The following CCDC138 variants were observed in gnomAD, a reference collection of about 807,000 sequenced individuals.
CCDC138 encodes the protein coiled-coil domain containing 138, also known as coiled-coil domain-containing protein 138.
A neutral mutation model predicts 82.3 loss-of-function variants in CCDC138; 66 were observed. That is an observed-to-expected ratio of 0.80 (90% CI 0.66 to 0.98). The LOEUF is 0.98. Ranked by LOEUF, CCDC138 falls within the 50% of genes least tolerant of loss-of-function variation. The pLI, the probability that CCDC138 is intolerant of heterozygous loss-of-function variation, is 0.00. For missense variants in CCDC138, 816 were observed against 758.9 expected (o/e 1.08, Z -0.88); for synonymous variants, 297 against 265.4 (o/e 1.12, Z -1.16).
At chr2:108,819,722 C>T (rs906964141) in intron 10 of CCDC138, among the ~76,000 whole-genome samples, 1 of 152,144 alleles carries the variant, frequency 6.6e-6, no homozygotes, top group South Asian at 2.1e-4. Flanking sequence ...TGTAAAGACT[C>T]AGAAAGGTAT....
At chr2:108,867,277 A>G (rs1249315461) in intron 13 of CCDC138, among the ~76,000 whole-genome samples, 1 of 152,202 alleles carries the variant, frequency 6.6e-6, no homozygotes, top group Non-Finnish European at 1.5e-5. Context: ...TCCCCGCTGG[A>G]AGCTAGAACT....
chr2:108,853,551 G>A lies in CCDC138; in HGVS notation c.1517-3243G>A, dbSNP rs148431239. 2.0e-5 allele frequency among the ~76,000 whole-genome samples: 3 copies of A among 148,756 alleles called. No homozygotes were observed. The East Asian group carries it at 5.9e-4, about 29-fold the overall frequency. On this transcript the variant is annotated intron_variant, in intron 12 of 14. Transcript: ENST00000295124. ...TTCTTTTTTTTTTTTTTGAGAGATG[G>A]GATCTCACGCTATCACTCAGGCTGG... is the stretch of plus-strand genomic sequence containing the variant.
chr2:108,821,887 C>T (rs926785620), intron 10 of CCDC138, among the ~76,000 whole-genome samples: 7 of 146,224 alleles, frequency 4.8e-5, no homozygotes, highest in African/African-American at 1.5e-4. Context: ...GAGATTGTGC[C>T]ACTGCGCTCC....
At chr2:108,838,437 G>A (rs2150405232) in intron 10 of CCDC138, among the ~76,000 whole-genome samples, 1 of 152,112 alleles carries the variant, frequency 6.6e-6, no homozygotes, top group African/African-American at 2.4e-5. Context: ...TTATTTCCAG[G>A]TTTTACTCTT....
chr2:108,843,724 G>A (rs1689905356), intron 11 of CCDC138, among the ~76,000 whole-genome samples: 1 of 151,720 alleles, frequency 6.6e-6, no homozygotes, highest in South Asian at 2.1e-4. Context: ...ACTATGATGG[G>A]TCTTGGTGTT....
Position 108,875,999 on chromosome 2 carries a change from C to G in CCDC138, c.1833-89C>G, listed in dbSNP as rs17036959. 0.012 allele frequency: 9,234 copies of G among 746,814 alleles called. 602 individuals are homozygous for G. In the African/African-American group the frequency reaches 0.14, roughly 11 times the overall value. The allele number at this position is 746,814 out of a possible 1,614,324, so 46.3% of individuals were successfully genotyped here. On this transcript the variant is annotated intron_variant, in intron 14 of 14. Transcript: ENST00000295124. ...TTTTTAAAAACAGATGCCATTTCCTCATGTTTACACATAAATTATCTGTCA... is the reference window on the plus strand; with the variant it reads ...TTTTTAAAAACAGATGCCATTTCCTGATGTTTACACATAAATTATCTGTCA...
intron 10 of CCDC138, among the ~76,000 whole-genome samples, chr2:108,822,866 AT>A (rs1253471883): frequency 6.6e-6 from 1 of 152,220 alleles, no homozygotes; most frequent in African/African-American, 2.4e-5. Context: ...CCTGGCTGTG[AT>A]TTGGTTCTTT....
intron 5 of CCDC138, 134 bp downstream of exon 5, chr2:108,794,855 C>G: frequency 1.5e-6 from 1 of 678,006 alleles, no homozygotes; most frequent in South Asian, 2.2e-5. Context: ...CGGAAGGGGA[C>G]AAACTCAAAT....
At position 108,812,630 on chromosome 2, in the gene CCDC138, G is replaced by A; in HGVS notation, c.856-1G>A. 6.2e-7 allele frequency: 1 copy of A among 1,609,812 alleles called. No homozygotes were observed. Among genetic ancestry groups the A allele is most frequent in the Non-Finnish European group, 8.5e-7 (1 of 1,176,384 alleles). The stretch of plus-strand genomic sequence containing the variant: ...AATATCTAACTTTTTCTACCCTTTA[G>A]TTAAATGAAGCAAGTGAAGAAAACA... On this transcript the variant is annotated splice_acceptor_variant, in intron 7 of 14. Coordinates refer to ENST00000295124, the MANE Select transcript of CCDC138 (RefSeq NM_144978.3). LOFTEE classifies it high-confidence loss of function.
chr2:108,842,895 A>T (rs1403601718), intron 11 of CCDC138, among the ~76,000 whole-genome samples: 1 of 152,184 alleles, frequency 6.6e-6, no homozygotes, highest in Non-Finnish European at 1.5e-5. Context: ...TACCGGTTTG[A>T]ATAAAGCACA....
chr2:108,866,271 G>T (rs187391410), intron 13 of CCDC138, among the ~76,000 whole-genome samples: 4 of 152,278 alleles, frequency 2.6e-5, no homozygotes, highest in Admixed American at 2.6e-4. Flanking sequence ...ACTTGTGATT[G>T]TAGTTAGACC....
At chr2:108,841,313 T>C (rs993549614) in intron 11 of CCDC138, among the ~76,000 whole-genome samples, 1 of 152,214 alleles carries the variant, frequency 6.6e-6, no homozygotes, top group African/African-American at 2.4e-5. Context: ...TCTATATCCT[T>C]GCTGATACTT....
At chr2:108,796,297 G>A (rs186624254) in intron 5 of CCDC138, among the ~76,000 whole-genome samples, 230 of 150,998 alleles carry the variant, frequency 1.5e-3, no homozygotes, top group African/African-American at 5.3e-3. Flanking sequence ...CTCGTGATCC[G>A]CCCGCCTCTG....
intron 6 of CCDC138, among the ~76,000 whole-genome samples, chr2:108,799,139 A>G (rs1681454600): frequency 6.6e-6 from 1 of 152,162 alleles, no homozygotes. Flanking sequence ...CTTTGAATCT[A>G]GAGCACTCAA....
rs186726884 is a variant in CCDC138, at chr2:108,798,937, G to A, written c.735+351G>A. On this transcript the variant is annotated intron_variant, in intron 6 of 14. Coordinates refer to ENST00000295124, the MANE Select transcript of CCDC138 (RefSeq NM_144978.3). ...TCAGTATGTATCTCCTAAGAATAAA[G>A]ACATTCTCCAGACCATTAGCGCATA... 7.0e-4 allele frequency among the ~76,000 whole-genome samples: 106 copies of A among 151,698 alleles called. 1 individual carries two copies. The highest frequency in any genetic ancestry group is 1.6e-4 in the Non-Finnish European group (11 of 67,946).
intron 13 of CCDC138, among the ~76,000 whole-genome samples, chr2:108,864,966 T>A (rs1694194924): frequency 6.6e-6 from 1 of 151,836 alleles, no homozygotes. Flanking sequence ...TTTAAGAAAA[T>A]AAATAAATAG....
Position 108,817,205 on chromosome 2 carries a change from T to A in CCDC138, c.1206+1100T>A, listed in dbSNP as rs564341652. On this transcript the variant is annotated intron_variant, in intron 10 of 14. Coordinates refer to ENST00000295124, the MANE Select transcript of CCDC138 (RefSeq NM_144978.3). Reference sequence around the variant, plus strand: ...CACAAACTTTTTAAACCAGAAGGATTCAGAAGAGTAGGTCAGAGACTCAAC... The same window carrying A: ...CACAAACTTTTTAAACCAGAAGGATACAGAAGAGTAGGTCAGAGACTCAAC... Among the ~76,000 whole-genome samples, 7 of 152,298 alleles carry A rather than the reference T, an allele frequency of 4.6e-5. No homozygotes were observed. The South Asian group carries it at 1.4e-3, about 32-fold the overall frequency.
chr2:108,869,364 C>T (rs545784714), intron 13 of CCDC138, among the ~76,000 whole-genome samples: 3 of 152,308 alleles, frequency 2.0e-5, no homozygotes, highest in African/African-American at 7.2e-5. Context: ...TCTCCATTCC[C>T]TTCCTCAGGA....
At chr2:108,815,213 G>A (rs1293340082) in intron 9 of CCDC138, among the ~76,000 whole-genome samples, 1 of 152,100 alleles carries the variant, frequency 6.6e-6, no homozygotes, top group Non-Finnish European at 1.5e-5. Flanking sequence ...AAGTTTCATA[G>A]TGGAAATTCT....
Sources: gnomAD v4.1 joint callset for allele counts (sites outside exome capture counted in the v4.1 genomes callset) on GRCh38, gnomAD v4.1.1 for gene constraint, MANE v1.5 for transcripts, NCBI Gene and HGNC (gene_info 2026-07-23, HGNC 2026-07-21) for gene names.